RALGAPB: variants seen among roughly 807,000 people sequenced by gnomAD.
RALGAPB encodes Ral GTPase activating protein non-catalytic subunit beta, also known as ral GTPase-activating protein subunit beta.
A neutral mutation model predicts 161.1 loss-of-function variants in RALGAPB; 25 were observed. The observed-to-expected ratio is 0.16, with a 90% CI of 0.11 to 0.22. The LOEUF (loss-of-function observed/expected upper bound fraction) is 0.22. Among genes scored for constraint, RALGAPB ranks in the 10% least tolerant of loss-of-function variants. The probability of loss-of-function intolerance (pLI) is 1.00; values close to 1 mark genes in which losing one functional copy is unlikely to be tolerated. For missense variants in RALGAPB, 1,391 were observed against 1,815.2 expected (o/e 0.77, Z 4.25); for synonymous variants, 629 against 626.1 (o/e 1.00, Z -0.07).
intron 9 of RALGAPB, among the ~76,000 whole-genome samples, chr20:38,520,985 A>G (rs1369934800): frequency 6.6e-6 from 1 of 152,022 alleles, no homozygotes; most frequent in Non-Finnish European, 1.5e-5. Flanking sequence ...GGTGGTGGGA[A>G]TGCTCTCTTT....
chr20:38,548,675 A>G lies in RALGAPB; in HGVS notation c.2903-14A>G, dbSNP rs943528070. 1.3e-6 allele frequency: 2 copies of G among 1,586,740 alleles called. No individual in the cohort carries two copies. The highest frequency in any genetic ancestry group is 1.7e-5 in the Admixed American group (1 of 59,496). On this transcript the variant is annotated splice_polypyrimidine_tract_variant and intron_variant, in intron 19 of 29. Transcript: ENST00000262879. ...GTCTGAAATTAAAACTTTTATATACATATTTTATTCTAGATGATTTTTTCC... is the reference window on the plus strand; with the variant it reads ...GTCTGAAATTAAAACTTTTATATACGTATTTTATTCTAGATGATTTTTTCC...
At chr20:38,508,435 A>G (rs1210811296) in intron 5 of RALGAPB, among the ~76,000 whole-genome samples, 2 of 152,166 alleles carry the variant, frequency 1.3e-5, no homozygotes, top group African/African-American at 4.8e-5. Context: ...ACAACAGAAT[A>G]AATGTCCCAC....
At chr20:38,540,638 TATA>T (rs1414501117) in intron 17 of RALGAPB, among the ~76,000 whole-genome samples, 1 of 152,198 alleles carries the variant, frequency 6.6e-6, no homozygotes, top group Non-Finnish European at 1.5e-5. Flanking sequence ...CTTTGGATAT[TATA>T]ATATGTCTTA....
intron 2 of RALGAPB, among the ~76,000 whole-genome samples, chr20:38,491,295 T>C (rs1314559276): frequency 6.6e-6 from 1 of 152,240 alleles, no homozygotes; most frequent in Non-Finnish European, 1.5e-5. Context: ...CCTTTTTAGC[T>C]TTGTGGTATC....
At chr20:38,512,407 A>G (rs890326519) in intron 6 of RALGAPB, among the ~76,000 whole-genome samples, 3 of 152,216 alleles carry the variant, frequency 2.0e-5, no homozygotes, top group Non-Finnish European at 2.9e-5. Context: ...AACTTGAGCA[A>G]TTTATTCTCT....
At chr20:38,562,341 A>G (rs2087813584) in intron 23 of RALGAPB, among the ~76,000 whole-genome samples, 191 bp from the exon 24 acceptor site, 1 of 152,268 alleles carries the variant, frequency 6.6e-6, no homozygotes, top group African/African-American at 2.4e-5. Context: ...AAACTTGCCC[A>G]AGGCTCAGCC....
intron 9 of RALGAPB, among the ~76,000 whole-genome samples, chr20:38,518,514 CT>C (rs573096496): frequency 4.6e-4 from 70 of 152,234 alleles, no homozygotes; most frequent in African/African-American, 1.7e-3. Context: ...TGCTTTTTAA[CT>C]TAATAAAATT....
At chr20:38,482,224 G>C (rs1423395680) in intron 1 of RALGAPB, among the ~76,000 whole-genome samples, 1 of 152,118 alleles carries the variant, frequency 6.6e-6, no homozygotes, top group East Asian at 1.9e-4. Flanking sequence ...GGATCATAAA[G>C]GTCTTCATCC....
intron 13 of RALGAPB, among the ~76,000 whole-genome samples, chr20:38,529,075 A>C (rs569973926): frequency 6.6e-6 from 1 of 152,150 alleles, no homozygotes; most frequent in East Asian, 1.9e-4. Flanking sequence ...AGTGATGCCA[A>C]TTCCCTGAGT....
chr20:38,539,614 T>A (rs1288644660), intron 16 of RALGAPB, among the ~76,000 whole-genome samples, 162 bp from the exon 17 acceptor site: 3 of 152,202 alleles, frequency 2.0e-5, no homozygotes, highest in Non-Finnish European at 4.4e-5. Flanking sequence ...AGTATTACAA[T>A]ACATCTGAAA....
intron 27 of RALGAPB, 41 bp downstream of exon 27, chr20:38,570,037 T>C (rs769266274): frequency 3.3e-6 from 5 of 1,503,142 alleles, no homozygotes; most frequent in Non-Finnish European, 4.6e-6. Context: ...AATGGCAATA[T>C]ATGACAGTGA....
chr20:38,504,507 A>G (rs983694295), intron 5 of RALGAPB, among the ~76,000 whole-genome samples: 1 of 152,192 alleles, frequency 6.6e-6, no homozygotes. Context: ...AAACACTATT[A>G]TGGACATTTG....
chr20:38,525,350 A>G, intron 11 of RALGAPB, 54 bp from the exon 12 acceptor site: 1 of 1,210,942 alleles, frequency 8.3e-7, no homozygotes, highest in Non-Finnish European at 1.2e-6. Context: ...ATTTGGCAGT[A>G]GCTAAAAATG....
chr20:38,510,905 G>T (rs982868796), intron 6 of RALGAPB, among the ~76,000 whole-genome samples: 1 of 114,646 alleles, frequency 8.7e-6, no homozygotes, highest in Non-Finnish European at 1.6e-5. Flanking sequence ...GCGAGACTCC[G>T]TCTCAAAAAA....
rs145063936 is a variant in RALGAPB at position 38,551,178 on chromosome 20, A to G, written c.3117A>G (p.Lys1039=). The change falls in exon 21 of 30, where the codon AAA becomes AAG. Residue 1039 remains lysine (K), a synonymous_variant. Coordinates refer to ENST00000262879, the MANE Select transcript of RALGAPB (RefSeq NM_020336.4). ...AGGTGGACAAGATTCCTTTTGTGAA[A>G]GCAGATCTCAGCATTCCAGATTTGC... The part of the protein sequence containing the change: ...PEEVDKIPFV[K]ADLSIPDLHE... 10 of 1,613,880 alleles carry G rather than the reference A, an allele frequency of 6.2e-6. No individual in the cohort carries two copies. The African/African-American group carries it at 1.3e-4, about 22-fold the overall frequency.
At position 38,546,356 on chromosome 20, in the gene RALGAPB, A is replaced by G; in HGVS notation, c.2828A>G (p.His943Arg). ...TCCAGGCTGCCAACCATAAACAAGC[A>G]TAGTTTCCGGTACTTTGTCTTGGAT... ...KYSRLPTINK[H>R]SFRYFVLDNS... is the part of the protein sequence containing the mutation. The change falls in exon 19 of 30, where the codon CAT becomes CGT. Residue 943 changes from histidine (H) to arginine (R), a missense_variant. Physicochemically the swap from His to Arg is conservative, Grantham distance 29 (BLOSUM62 0). Transcript: ENST00000262879. The G allele has an allele frequency of 6.2e-7, 1 of 1,614,132 alleles. No homozygotes were observed. Among genetic ancestry groups the G allele is most frequent in the Non-Finnish European group, 8.5e-7 (1 of 1,179,998 alleles).
intron 14 of RALGAPB, among the ~76,000 whole-genome samples, chr20:38,532,348 C>T (rs992826847): frequency 2.0e-5 from 3 of 152,192 alleles, no homozygotes; most frequent in Non-Finnish European, 4.4e-5. Flanking sequence ...TGAGCCAGCG[C>T]GCCTGGCCTT....
At chr20:38,551,793 A>G (rs149777521) in intron 21 of RALGAPB, among the ~76,000 whole-genome samples, 1 of 152,306 alleles carries the variant, frequency 6.6e-6, no homozygotes, top group Non-Finnish European at 1.5e-5. Context: ...AATTAAGATA[A>G]CTGTCTCTTA....
At chr20:38,538,436 A>C (rs1206320836) in intron 16 of RALGAPB, 1 of 167,460 alleles carries the variant, frequency 6.0e-6, no homozygotes, top group Non-Finnish European at 1.3e-5. Flanking sequence ...ATGGTTAGGA[A>C]GCCATGCTCT....
Sources: gnomAD v4.1 joint callset for allele counts (sites outside exome capture counted in the v4.1 genomes callset) on GRCh38, gnomAD v4.1.1 for gene constraint, MANE v1.5 for transcripts, NCBI Gene and HGNC (gene_info 2026-07-23, HGNC 2026-07-21) for gene names.